The following CNTN5 variants were observed in gnomAD, a reference collection of about 807,000 sequenced individuals.
CNTN5 encodes the protein contactin-5.
In CNTN5, 77 loss-of-function variants were observed where a neutral mutation model predicts 129.1. The ratio of observed to expected loss-of-function variants is 0.60; its 90% CI spans 0.50 to 0.72. CNTN5 has a LOEUF of 0.72. CNTN5 is among the 30% of genes least tolerant of loss of function. The pLI is 0.00. For missense variants in CNTN5, 1,478 were observed against 1,328.8 expected, an observed-to-expected ratio of 1.11 and a Z score of -1.75; for synonymous variants, 509 against 465.6, an observed-to-expected ratio of 1.09 and a Z score of -1.20.
At chr11:99,151,215 G>T (rs1052956438) in intron 1 of CNTN5, among the ~76,000 whole-genome samples, 8 of 151,764 alleles carry the variant, frequency 5.3e-5, no homozygotes, top group African/African-American at 1.9e-4. Flanking sequence ...TTTTTTTAAG[G>T]TCTCCTTTTT....
intron 3 of CNTN5, among the ~76,000 whole-genome samples, chr11:99,670,479 T>G (rs534824273): frequency 6.6e-6 from 1 of 152,156 alleles, no homozygotes; most frequent in Admixed American, 6.5e-5. Flanking sequence ...TAATCTGACA[T>G]TCACACTGCA....
chr11:99,705,040 G>T lies in CNTN5; in HGVS notation c.56-114504G>T, dbSNP rs182689718. On this transcript the variant is annotated intron_variant, in intron 3 of 24. Transcript: ENST00000524871. ...TTACCTGTGGTTTATTTTGGAAAAA[G>T]CTAATAAGTCAACAACAAAAAATTA... Among the ~76,000 whole-genome samples the T allele has an allele frequency of 4.6e-5, 7 of 151,348 alleles. No homozygotes were observed. In the Admixed American group the frequency reaches 4.6e-4, roughly 10 times the overall value.
intron 13 of CNTN5, among the ~76,000 whole-genome samples, chr11:100,133,549 A>G (rs1219148305): frequency 6.6e-6 from 1 of 152,098 alleles, no homozygotes; most frequent in Admixed American, 6.6e-5. Context: ...TTGCATTGGG[A>G]ATGTATTTAT....
chr11:99,125,624 G>A (rs910040231), intron 1 of CNTN5, among the ~76,000 whole-genome samples: 5 of 152,046 alleles, frequency 3.3e-5, no homozygotes, highest in Admixed American at 2.6e-4. Context: ...GCAAGAGAAA[G>A]AAATTACAGG....
chr11:99,034,163 C>T (rs1439105679), intron 1 of CNTN5, among the ~76,000 whole-genome samples: 6 of 152,106 alleles, frequency 3.9e-5, no homozygotes, highest in Non-Finnish European at 8.8e-5. Flanking sequence ...CTGCTGGATT[C>T]GGTTTGCCAG....
intron 16 of CNTN5, among the ~76,000 whole-genome samples, chr11:100,252,232 T>G (rs543621443): frequency 6.6e-6 from 1 of 152,290 alleles, no homozygotes; most frequent in East Asian, 1.9e-4. Context: ...TAAATGTCTT[T>G]TCAGATGTGA....
In CNTN5 at chr11:99,257,314, A is replaced by T. The variant is rs1862419394; in HGVS notation, c.-209-68032A>T. ...TTCACATGTGAGGAAGTGAACTGTC[A>T]CAAGCTAAGAGCATTGCTCAACGTT... On this transcript the variant is annotated intron_variant, in intron 1 of 24. Coordinates refer to ENST00000524871, the MANE Select transcript of CNTN5 (RefSeq NM_014361.4). Among the ~76,000 whole-genome samples, 3 of 152,164 alleles carry T rather than the reference A, an allele frequency of 2.0e-5. No homozygotes were observed. In the South Asian group the frequency reaches 6.2e-4, roughly 32 times the overall value.
At chr11:99,281,560 C>T (rs987686980) in intron 1 of CNTN5, among the ~76,000 whole-genome samples, 3 of 152,038 alleles carry the variant, frequency 2.0e-5, no homozygotes, top group Admixed American at 2.0e-4. Flanking sequence ...AAATATTTCT[C>T]CCTGGGTCCT....
intron 3 of CNTN5, among the ~76,000 whole-genome samples, chr11:99,595,172 C>T (rs111642508): frequency 4.9e-4 from 74 of 152,112 alleles, no homozygotes; most frequent in African/African-American, 1.7e-3. Context: ...TAGCAAAGAA[C>T]AATGTACTGT....
chr11:99,280,007 A>G (rs1399843437), intron 1 of CNTN5, among the ~76,000 whole-genome samples: 1 of 151,750 alleles, frequency 6.6e-6, no homozygotes, highest in African/African-American at 2.4e-5. Flanking sequence ...GAAAAAGAAA[A>G]AAAATCAGGA....
chr11:99,642,039 A>G (rs1014816364), intron 3 of CNTN5, among the ~76,000 whole-genome samples: 2 of 152,216 alleles, frequency 1.3e-5, no homozygotes, highest in Middle Eastern at 3.4e-3. Context: ...CCCACATTAG[A>G]TCTTCAAGCA....
chr11:99,082,132 T>C (rs1431003815), intron 1 of CNTN5, among the ~76,000 whole-genome samples: 4 of 151,968 alleles, frequency 2.6e-5, no homozygotes, highest in Non-Finnish European at 5.9e-5. Flanking sequence ...CCCCAGGTCC[T>C]GTGTTGCCAA....
chr11:100,013,243 C>T (rs1009600282), intron 9 of CNTN5, among the ~76,000 whole-genome samples: 2 of 152,014 alleles, frequency 1.3e-5, no homozygotes, highest in African/African-American at 4.8e-5. Flanking sequence ...GTATAAGGTA[C>T]ATTAGTCAGT....
intron 2 of CNTN5, among the ~76,000 whole-genome samples, chr11:99,464,661 C>G (rs1180764487): frequency 6.6e-6 from 1 of 152,032 alleles, no homozygotes; most frequent in Non-Finnish European, 1.5e-5. Context: ...TGCAGTTTTA[C>G]TATTGGGAAC....
At chr11:100,218,878 A>C (rs1949200264) in intron 15 of CNTN5, among the ~76,000 whole-genome samples, 1 of 152,236 alleles carries the variant, frequency 6.6e-6, no homozygotes, top group African/African-American at 2.4e-5. Flanking sequence ...ATGATTTTTG[A>C]GGTGGTAAAT....
intron 1 of CNTN5, among the ~76,000 whole-genome samples, chr11:99,283,588 T>C (rs1476175799): frequency 1.3e-5 from 2 of 152,144 alleles, no homozygotes; most frequent in Non-Finnish European, 2.9e-5. Flanking sequence ...TAGTGATACT[T>C]GATGATAAAA....
chr11:100,001,044 C>G (rs554051546), intron 8 of CNTN5, among the ~76,000 whole-genome samples: 2 of 152,332 alleles, frequency 1.3e-5, no homozygotes, highest in Non-Finnish European at 2.9e-5. Flanking sequence ...CTATGAAGAT[C>G]TCTGAAATTC....
intron 2 of CNTN5, among the ~76,000 whole-genome samples, chr11:99,394,967 G>A (rs574836304): frequency 6.6e-6 from 1 of 151,832 alleles, no homozygotes. Flanking sequence ...TTGATTCACT[G>A]TCTTTGCTAT....
At chr11:100,259,601 C>T (rs1156640206) in intron 17 of CNTN5, among the ~76,000 whole-genome samples, 2 of 152,054 alleles carry the variant, frequency 1.3e-5, no homozygotes, top group African/African-American at 4.8e-5. Flanking sequence ...CAGTCTCTCA[C>T]ACCACAGTGC....
Sources: gnomAD v4.1 joint callset for allele counts (sites outside exome capture counted in the v4.1 genomes callset) on GRCh38, gnomAD v4.1.1 for gene constraint, MANE v1.5 for transcripts, NCBI Gene and HGNC (gene_info 2026-07-23, HGNC 2026-07-21) for gene names.